Variants in PIEZO1 observed in about 807,000 individuals in gnomAD.
The protein encoded by PIEZO1 is piezo type mechanosensitive ion channel component 1 (Er blood group), also known as piezo-type mechanosensitive ion channel component 1.
Under a neutral mutation model 297.2 loss-of-function variants are expected in PIEZO1, and 296 were observed. The observed-to-expected ratio is 1.00, with a 90% CI of 0.91 to 1.10. PIEZO1 has a LOEUF of 1.10. Ranked by LOEUF, PIEZO1 falls within the 50% of genes least tolerant of loss-of-function variation. The pLI is 0.00. For synonymous variants in PIEZO1, 2,427 were observed against 1,507.5 expected (o/e 1.61, Z -14.13); for missense variants, 5,018 against 3,455.5 (o/e 1.45, Z -11.34).
At position 88,735,309 on chromosome 16, in the gene PIEZO1, G is replaced by T. The variant is rs544068377; in HGVS notation, c.1558-63C>A. Reference sequence around the variant, plus strand: ...CCCAGCACCCCTCCCACAGCCGGGGGACCCAGCACCCTCCTATAGCAGGGG... The same window carrying T: ...CCCAGCACCCCTCCCACAGCCGGGGTACCCAGCACCCTCCTATAGCAGGGG... On this transcript the variant is annotated intron_variant, in intron 12 of 50. Coordinates refer to ENST00000301015, the MANE Select transcript of PIEZO1 (RefSeq NM_001142864.4). The T allele has an allele frequency of 7.6e-6, 9 of 1,180,330 alleles. No individual in the cohort carries two copies. The African/African-American group carries it at 1.1e-4, about 14-fold the overall frequency. The allele number at this position is 1,180,330 out of a possible 1,614,324, so 73.1% of individuals were successfully genotyped here. A position where few individuals can be genotyped will look rare whatever the true frequency, so the allele number is the denominator to read the frequency against.
At chr16:88,720,036 C>T in intron 42 of PIEZO1, 33 bp downstream of exon 42, 1 of 1,549,654 alleles carries the variant, frequency 6.5e-7, no homozygotes, top group Non-Finnish European at 8.7e-7. Flanking sequence ...TGCCCCGCCC[C>T]TGGAGACCGA....
chr16:88,782,919 A>G (rs1316615064), intron 1 of PIEZO1, among the ~76,000 whole-genome samples: 1 of 152,218 alleles, frequency 6.6e-6, no homozygotes, highest in Non-Finnish European at 1.5e-5. Flanking sequence ...ACACTGAGTG[A>G]GGCCCAGGCC....
At chr16:88,730,787 C>T (rs1209342845) in intron 22 of PIEZO1, among the ~76,000 whole-genome samples, 8 of 152,194 alleles carry the variant, frequency 5.3e-5, no homozygotes, top group Non-Finnish European at 7.3e-5. Flanking sequence ...ACCCACTCAG[C>T]AGAGGGGAGG....
At position 88,721,243 on chromosome 16, in the gene PIEZO1, C is replaced by A; in HGVS notation, c.5591G>T (p.Arg1864Leu). 1 of 1,541,768 alleles carries A rather than the reference C, an allele frequency of 6.5e-7. No individual in the cohort carries two copies. Among genetic ancestry groups the A allele is most frequent in the Non-Finnish European group, 8.7e-7 (1 of 1,146,098 alleles). The change falls in exon 39 of 51, where the codon CGT becomes CTT. Residue 1864 changes from arginine (R) to leucine (L), a missense_variant. Arg to Leu is a moderately radical substitution (Grantham distance 102, BLOSUM62 -2). Coordinates refer to ENST00000301015, the MANE Select transcript of PIEZO1 (RefSeq NM_001142864.4). ...ACGTAGACTGATGCGCCTCGTATCA[C>A]GGGGCCTGAGCTCCACTTGGGGTTC... ...TPEPQVELRP[R>L]DTRRISLRFR...
At chr16:88,719,552 C>A (rs1398673300) in intron 44 of PIEZO1, 22 bp downstream of exon 44, 5 of 1,546,388 alleles carry the variant, frequency 3.2e-6, no homozygotes, top group Non-Finnish European at 4.4e-6. Context: ...CTTGTCCCGG[C>A]CCCCGCCCTG....
intron 30 of PIEZO1, 128 bp from the exon 31 acceptor site, chr16:88,724,099 C>T: frequency 3.1e-6 from 2 of 642,480 alleles, no homozygotes; most frequent in Non-Finnish European, 5.6e-6. Context: ...GCAGTGCAGG[C>T]ACAAGACACA....
At chr16:88,750,368 C>T (rs762531092) in intron 1 of PIEZO1, among the ~76,000 whole-genome samples, 49 of 152,360 alleles carry the variant, frequency 3.2e-4, no homozygotes, top group Non-Finnish European at 5.1e-4. Context: ...TGCTATGATT[C>T]CTGCCCCCAG....
Position 88,717,226 on chromosome 16 carries a change from C to T in PIEZO1, c.6472-15G>A, listed in dbSNP as rs1401949999. On this transcript the variant is annotated splice_polypyrimidine_tract_variant and intron_variant, in intron 44 of 50. Coordinates refer to ENST00000301015, the MANE Select transcript of PIEZO1 (RefSeq NM_001142864.4). ...TGCGGGTATTTCTGGAGGGGAACGA[C>T]ACAGGTCATACGCTCAGCTCTGCCC... The T allele has an allele frequency of 1.9e-6, 3 of 1,544,912 alleles. No homozygotes were observed. Among genetic ancestry groups the T allele is most frequent in the South Asian group, 1.2e-5 (1 of 84,052 alleles).
Position 88,723,092 on chromosome 16 carries a change from T to G in PIEZO1, c.4495+3A>C. 1.3e-6 allele frequency: 2 copies of G among 1,547,578 alleles called. No individual in the cohort carries two copies. The highest frequency in any genetic ancestry group is 1.7e-6 in the Non-Finnish European group (2 of 1,146,592). On this transcript the variant is annotated splice_donor_region_variant and intron_variant, in intron 33 of 50. Coordinates refer to ENST00000301015, the MANE Select transcript of PIEZO1 (RefSeq NM_001142864.4). ...CCCACTCCCCAGCCCCGGGCCCACG[T>G]ACCTGCCGCTGCCTCCTCGGGGCCC...
In PIEZO1 at chr16:88,732,357, A is replaced by T. The variant is rs202126844; in HGVS notation, c.2969T>A (p.Phe990Tyr). Residue 990 changes from phenylalanine (F) to tyrosine (Y), a missense_variant, in exon 21 of 51, where the codon TTC (phenylalanine) becomes TAC (tyrosine). Phe to Tyr is a conservative substitution (Grantham distance 22). Coordinates refer to ENST00000301015, the MANE Select transcript of PIEZO1 (RefSeq NM_001142864.4). ...CACCTCCAGCCCGAATTTGTAGAAG[A>T]AGAAGTTGATGAAGTACTTGAGGCA... ...LGCLKYFINFFFYKFGLEICF... is the reference protein window; with the variant it reads ...LGCLKYFINFYFYKFGLEICF... The T allele has an allele frequency of 1.3e-6, 2 of 1,549,550 alleles. No individual in the cohort carries two copies. Among genetic ancestry groups the T allele is most frequent in the Non-Finnish European group, 1.7e-6 (2 of 1,146,372 alleles).
chr16:88,733,952 C>G lies in PIEZO1; in HGVS notation c.2283G>C (p.Glu761Asp). 4 of 1,547,320 alleles carry G rather than the reference C, an allele frequency of 2.6e-6. No individual in the cohort carries two copies. Among genetic ancestry groups the G allele is most frequent in the Non-Finnish European group, 3.5e-6 (4 of 1,145,166 alleles). Residue 761 changes from glutamate to aspartate, a missense_variant, in exon 17 of 51, where the codon GAG (glutamate) becomes GAC (aspartate). Physicochemically the swap from Glu to Asp is conservative, Grantham distance 45. Transcript: ENST00000301015. Reference protein sequence around the residue: ...EEEEEEDSRDEGLGVATPHQA... With the variant: ...EEEEEEDSRDDGLGVATPHQA... ...GGTGGGGAGTGGCCACGCCCAGCCC[C>G]TCGTCCCTGGAGTCCTCCTCCTCCT...
Position 88,726,652 on chromosome 16 carries a change from G to A in PIEZO1, c.3700-9C>T, listed in dbSNP as rs1376300827. On this transcript the variant is annotated splice_polypyrimidine_tract_variant and intron_variant, in intron 25 of 50. Coordinates refer to ENST00000301015, the MANE Select transcript of PIEZO1 (RefSeq NM_001142864.4). ...AAGACGCAGGCCAGGAGCTGGGGGAGAGCAGGGTCAGCGGGGCCAGCGGGG... is the reference window on the plus strand; with the variant it reads ...AAGACGCAGGCCAGGAGCTGGGGGAAAGCAGGGTCAGCGGGGCCAGCGGGG... 6 of 1,288,570 alleles carry A rather than the reference G, an allele frequency of 4.7e-6. No homozygotes were observed. The highest frequency in any genetic ancestry group is 5.3e-5 in the East Asian group (2 of 37,460). The allele number at this position is 1,288,570 out of a possible 1,614,324, so 79.8% of individuals were successfully genotyped here. A position where few individuals can be genotyped will look rare whatever the true frequency, so the allele number is the denominator to read the frequency against.
At chr16:88,744,925 G>A (rs1219215367) in intron 2 of PIEZO1, among the ~76,000 whole-genome samples, 1 of 152,016 alleles carries the variant, frequency 6.6e-6, no homozygotes, top group Non-Finnish European at 1.5e-5. Flanking sequence ...CTGCTGACCT[G>A]CACGGGGCGG....
Position 88,757,319 on chromosome 16 carries a change from CGG to C in PIEZO1, c.65-7842_65-7841del, listed in dbSNP as rs1221139366. ...CTGGGTATGCAGGGGGCGTTGCTGGCGGGGGGGTGGGGGGTAGTTACCTAACC... is the reference window on the plus strand; with the variant it reads ...CTGGGTATGCAGGGGGCGTTGCTGGCGGGGGTGGGGGGTAGTTACCTAACC... On this transcript the variant is annotated intron_variant, in intron 1 of 50. Transcript: ENST00000301015. 1.1e-3 allele frequency among the ~76,000 whole-genome samples: 11 copies of C among 10,252 alleles called. 1 individual carries two copies. Among genetic ancestry groups the C allele is most frequent in the Non-Finnish European group, 1.5e-3 (8 of 5,198 alleles). 6.7% of individuals were successfully genotyped at this position (10,252 alleles called of 152,430 possible).
intron 2 of PIEZO1, among the ~76,000 whole-genome samples, chr16:88,747,368 T>A (rs1906116903): frequency 6.6e-6 from 1 of 151,610 alleles, no homozygotes; most frequent in Admixed American, 6.6e-5. Context: ...ACACAAAAAT[T>A]AGCCAGGCAT....
intron 12 of PIEZO1, among the ~76,000 whole-genome samples, 189 bp from the exon 13 acceptor site, chr16:88,735,435 ACACT>A (rs1387318411): frequency 2.1e-4 from 32 of 152,366 alleles, no homozygotes; most frequent in African/African-American, 6.5e-4. Flanking sequence ...ACACGAGCAC[ACACT>A]CTCACATCCA....
intron 22 of PIEZO1, among the ~76,000 whole-genome samples, chr16:88,728,267 C>T (rs1013721963): frequency 1.3e-5 from 2 of 152,278 alleles, no homozygotes; most frequent in African/African-American, 4.8e-5. Flanking sequence ...GGCCACACTT[C>T]CTGGGAGGCG....
rs761380154 is a variant in PIEZO1 at position 88,738,006 on chromosome 16, G to A, written c.948C>T (p.Pro316=). The change falls in exon 8 of 51, where the codon CCC becomes CCT. Residue 316 remains proline, a synonymous_variant. Coordinates refer to ENST00000301015, the MANE Select transcript of PIEZO1 (RefSeq NM_001142864.4). ...TGLDWPVYAS[P]GVLLLLCYAT... is the part of the protein sequence containing the mutation. Reference sequence around the variant, plus strand: ...CGTAGCACAGCAGCAGGAGGACGCCGGGGCTGGCATACACAGGCCAGTCCA... The same window carrying A: ...CGTAGCACAGCAGCAGGAGGACGCCAGGGCTGGCATACACAGGCCAGTCCA... The A allele has an allele frequency of 5.7e-5, 88 of 1,535,368 alleles. No homozygotes were observed. Among genetic ancestry groups the A allele is most frequent in the African/African-American group, 6.8e-5 (5 of 73,048 alleles).
chr16:88,778,888 G>A (rs1907797267), intron 1 of PIEZO1, among the ~76,000 whole-genome samples: 1 of 152,198 alleles, frequency 6.6e-6, no homozygotes, highest in Admixed American at 6.5e-5. Context: ...AGGCACCTGG[G>A]GAAGCGGCCG....
Sources: gnomAD v4.1 joint callset for allele counts (sites outside exome capture counted in the v4.1 genomes callset) on GRCh38, gnomAD v4.1.1 for gene constraint, MANE v1.5 for transcripts, NCBI Gene and HGNC (gene_info 2026-07-23, HGNC 2026-07-21) for gene names.